The following AP3B1 variants were observed in gnomAD, a reference collection of about 807,000 sequenced individuals.
AP3B1 encodes adaptor related protein complex 3 subunit beta 1.
A neutral mutation model predicts 132.5 loss-of-function variants in AP3B1; 61 were observed. The observed-to-expected ratio is 0.46, with a 90% CI of 0.37 to 0.57. The LOEUF is 0.57. AP3B1 is among the 20% of genes least tolerant of loss of function. The pLI, the probability that AP3B1 is intolerant of heterozygous loss-of-function variation, is 0.00. For synonymous variants in AP3B1, 388 were observed against 438.3 expected (o/e 0.89, Z 1.43); for missense variants, 1,120 against 1,289.4 (o/e 0.87, Z 2.01).
chr5:78,116,898 T>C (rs971917556), intron 17 of AP3B1, among the ~76,000 whole-genome samples: 2 of 151,976 alleles, frequency 1.3e-5, no homozygotes, highest in Non-Finnish European at 2.9e-5. Context: ...GAGAGCAAGC[T>C]CCTTTTTGGC....
chr5:78,035,959 T>C (rs553414007), intron 23 of AP3B1, among the ~76,000 whole-genome samples: 141 of 152,262 alleles, frequency 9.3e-4, no homozygotes, highest in Middle Eastern at 3.4e-3. Flanking sequence ...TAATGCCTTC[T>C]GTGCCATAAC....
chr5:78,035,121 T>C (rs1284158585), intron 23 of AP3B1, among the ~76,000 whole-genome samples: 1 of 151,960 alleles, frequency 6.6e-6, no homozygotes, highest in Non-Finnish European at 1.5e-5. Flanking sequence ...TAACCAAGTA[T>C]AGGAAATAAC....
At chr5:78,138,969 C>CA (rs34427836) in intron 15 of AP3B1, among the ~76,000 whole-genome samples, 10,354 of 39,374 alleles carry the variant, frequency 0.26, 1,845 homozygotes, top group African/African-American at 0.32. Context: ...AACTCTGTCT[C>CA]AAAAAAAAAA....
At chr5:78,122,939 T>C (rs1389590532) in intron 17 of AP3B1, among the ~76,000 whole-genome samples, 1 of 152,202 alleles carries the variant, frequency 6.6e-6, no homozygotes, top group Non-Finnish European at 1.5e-5. Flanking sequence ...CCATCTGACT[T>C]CAAACTATAC....
rs893127020 is a variant in AP3B1, at chr5:78,088,745, G to A, written c.2577+648C>T. Among the ~76,000 whole-genome samples, 7 of 152,142 alleles carry A rather than the reference G, an allele frequency of 4.6e-5. 1 individual carries two copies. Among genetic ancestry groups the A allele is most frequent in the Admixed American group, 6.5e-5 (1 of 15,274 alleles). On this transcript the variant is annotated intron_variant, in intron 22 of 26. Coordinates refer to ENST00000255194, the MANE Select transcript of AP3B1 (RefSeq NM_003664.5). ...CATATCAACAGATTATACATCTTAG[G>A]CGCAGCGTGCTTGATTTACAGTGAA...
intron 17 of AP3B1, among the ~76,000 whole-genome samples, chr5:78,127,689 A>T (rs1263300291): frequency 6.6e-6 from 1 of 152,168 alleles, no homozygotes; most frequent in African/African-American, 2.4e-5. Context: ...GAAGCTTACA[A>T]ATCTCTAAAC....
At chr5:78,247,679 T>A (rs978241447) in intron 2 of AP3B1, among the ~76,000 whole-genome samples, 2 of 152,112 alleles carry the variant, frequency 1.3e-5, no homozygotes, top group Non-Finnish European at 2.9e-5. Flanking sequence ...TTTTGGTTAG[T>A]GTTTGTATGG....
chr5:78,038,959 T>G, intron 23 of AP3B1, 84 bp downstream of exon 23: 1 of 830,240 alleles, frequency 1.2e-6, no homozygotes, highest in Non-Finnish European at 1.9e-6. Flanking sequence ...ACTATTTTAC[T>G]AAAAAGTATT....
At chr5:78,134,520 T>C (rs938176019) in intron 15 of AP3B1, among the ~76,000 whole-genome samples, 39 of 152,136 alleles carry the variant, frequency 2.6e-4, no homozygotes, top group Admixed American at 2.2e-3. Flanking sequence ...AGTACCGTTG[T>C]TCCATCTAAT....
chr5:78,046,910 G>A (rs1580278921), intron 22 of AP3B1, among the ~76,000 whole-genome samples: 1 of 151,884 alleles, frequency 6.6e-6, no homozygotes, highest in East Asian at 1.9e-4. Context: ...GTGTCCATGT[G>A]TTCTCATTCT....
intron 21 of AP3B1, among the ~76,000 whole-genome samples, chr5:78,097,109 T>G (rs4704479): frequency 0.078 from 6,047 of 77,040 alleles, 766 homozygotes; most frequent in Admixed American, 0.19. Context: ...GGGAGGGAGG[T>G]AGGGGGTCAG....
chr5:78,235,042 A>G (rs535083904), intron 3 of AP3B1, among the ~76,000 whole-genome samples: 1 of 152,042 alleles, frequency 6.6e-6, no homozygotes, highest in African/African-American at 2.4e-5. Flanking sequence ...GTATGTTTAA[A>G]GAGAGATAGG....
At chr5:78,275,935 C>T (rs183518141) in intron 1 of AP3B1, among the ~76,000 whole-genome samples, 19 of 152,216 alleles carry the variant, frequency 1.2e-4, no homozygotes, top group Middle Eastern at 3.4e-3. Flanking sequence ...TTCAATTGTA[C>T]ATAGGACATT....
chr5:78,113,700 G>A (rs957792776), intron 19 of AP3B1, 52 bp downstream of exon 19: 4 of 1,599,544 alleles, frequency 2.5e-6, no homozygotes, highest in Non-Finnish European at 3.4e-6. Flanking sequence ...CTCTGCCTGG[G>A]GCAAACTTTC....
intron 22 of AP3B1, among the ~76,000 whole-genome samples, chr5:78,075,623 T>C (rs1341984577): frequency 6.6e-6 from 1 of 152,196 alleles, no homozygotes; most frequent in Non-Finnish European, 1.5e-5. Context: ...GGACAAATGA[T>C]AAAAACTGCA....
At chr5:78,052,032 C>T (rs252798) in intron 22 of AP3B1, among the ~76,000 whole-genome samples, 3 of 151,340 alleles carry the variant, frequency 2.0e-5, no homozygotes, top group South Asian at 2.1e-4. Context: ...AAAAAGTAAA[C>T]GGCAAATTTG....
intron 7 of AP3B1, among the ~76,000 whole-genome samples, chr5:78,193,742 T>A (rs868671604): frequency 0.13 from 11,119 of 82,904 alleles, 879 homozygotes; most frequent in Admixed American, 0.16. Flanking sequence ...GTATATATTT[T>A]TTTATATATA....
At chr5:78,163,631 T>C (rs1743485850) in intron 12 of AP3B1, among the ~76,000 whole-genome samples, 1 of 147,430 alleles carries the variant, frequency 6.8e-6, no homozygotes, top group Non-Finnish European at 1.5e-5. Context: ...ATAGTATATA[T>C]ATAGTATACA....
intron 17 of AP3B1, among the ~76,000 whole-genome samples, chr5:78,125,224 G>T (rs985847614): frequency 9.9e-5 from 15 of 151,958 alleles, no homozygotes; most frequent in African/African-American, 3.6e-4. Context: ...ATTAACTAAG[G>T]ATCTTCAAAA....
Sources: gnomAD v4.1 joint callset for allele counts (sites outside exome capture counted in the v4.1 genomes callset) on GRCh38, gnomAD v4.1.1 for gene constraint, MANE v1.5 for transcripts, NCBI Gene and HGNC (gene_info 2026-07-23, HGNC 2026-07-21) for gene names.